FAM204A: variants seen among roughly 807,000 people sequenced by gnomAD.
FAM204A encodes the protein family with sequence similarity 204 member A, also known as protein FAM204A.
A neutral mutation model predicts 35.4 loss-of-function variants in FAM204A; 16 were observed. The ratio of observed to expected loss-of-function variants is 0.45; its 90% CI spans 0.31 to 0.69. FAM204A has a LOEUF of 0.69. FAM204A is among the 30% of genes least tolerant of loss of function. The pLI, the probability that FAM204A is intolerant of heterozygous loss-of-function variation, is 0.07. For missense variants in FAM204A, 240 were observed against 265.7 expected (o/e 0.90, Z 0.67); for synonymous variants, 76 against 86.9 (o/e 0.88, Z 0.70).
At chr10:118,340,835 G>T (rs1392742568) in intron 2 of FAM204A, among the ~76,000 whole-genome samples, 1 of 106,686 alleles carries the variant, frequency 9.4e-6, no homozygotes. Context: ...TACCCGCCCC[G>T]CCCCCAATTT....
intron 6 of FAM204A, among the ~76,000 whole-genome samples, chr10:118,331,429 A>G (rs1846285932): frequency 6.6e-6 from 1 of 152,188 alleles, no homozygotes; most frequent in Non-Finnish European, 1.5e-5. Context: ...ATTTATCTAA[A>G]CGAAGTATCT....
intron 3 of FAM204A, chr10:118,335,964 T>G (rs1001295027): frequency 6.7e-5 from 18 of 269,452 alleles, no homozygotes; most frequent in African/African-American, 1.9e-4. Context: ...GTGGTTTGGG[T>G]TTTTTTTTTT....
rs766677947 is a variant in FAM204A at position 118,335,164 on chromosome 10, C to A, written c.403G>T (p.Gly135Ter). The A allele has an allele frequency of 1.2e-6, 2 of 1,613,436 alleles. No individual in the cohort carries two copies. Among genetic ancestry groups the A allele is most frequent in the Admixed American group, 1.7e-5 (1 of 59,926 alleles). ...TQWKELTQYF[G>*]VNDRFDPPVK... Reference sequence around the variant, plus strand: ...GGCGGGTCAAATCTATCATTGACTCCAAAATACTGAGTAAGCTCTTTCCAC... The same window carrying A: ...GGCGGGTCAAATCTATCATTGACTCAAAAATACTGAGTAAGCTCTTTCCAC... Residue 135 changes from glycine to a stop codon, truncating the protein, a stop_gained, in exon 6 of 9, where the codon GGA becomes TGA. Coordinates refer to ENST00000369183, the MANE Select transcript of FAM204A (RefSeq NM_022063.3). LOFTEE classifies it high-confidence loss of function.
At chr10:118,318,908 TG>T (rs1434345556) in intron 7 of FAM204A, among the ~76,000 whole-genome samples, 1 of 151,704 alleles carries the variant, frequency 6.6e-6, no homozygotes, top group Admixed American at 6.6e-5. Context: ...TGATCAAAAT[TG>T]TATTATTTGG....
rs1198875958 is a variant in FAM204A at position 118,307,753 on chromosome 10, A to G, written c.*3104T>C. On this transcript the variant is annotated 3_prime_UTR_variant, in exon 9 of 9. Coordinates refer to ENST00000369183, the MANE Select transcript of FAM204A (RefSeq NM_022063.3). ...AGTTATTAATAAGCTAAAAGATAAT[A>G]TTTTAGACAAAAGGTATAAAGAAAA... 1.3e-5 allele frequency: 2 copies of G among 152,242 alleles called. No homozygotes were observed. The highest frequency in any genetic ancestry group is 4.8e-5 in the African/African-American group (2 of 41,466). 9.4% of individuals were successfully genotyped at this position (152,242 alleles called of 1,614,324 possible). A position where few individuals can be genotyped will look rare whatever the true frequency, so the allele number is the denominator to read the frequency against.
rs187942429 is a variant in FAM204A at position 118,299,445 on chromosome 10, G to C, written c.*11412C>G. On this transcript the variant is annotated 3_prime_UTR_variant, in exon 9 of 9. Transcript: ENST00000369183. Reference sequence around the variant, plus strand: ...GGGTCAGGCTGGACTGCAGTGGTGCGATCACGGCTCACTGCAGCCTCGACC... The same window carrying C: ...GGGTCAGGCTGGACTGCAGTGGTGCCATCACGGCTCACTGCAGCCTCGACC... 7.3e-6 allele frequency: 1 copy of C among 137,362 alleles called. No individual in the cohort carries two copies. The highest frequency in any genetic ancestry group is 1.5e-5 in the Non-Finnish European group (1 of 66,104). 8.5% of individuals were successfully genotyped at this position (137,362 alleles called of 1,614,324 possible).
intron 7 of FAM204A, among the ~76,000 whole-genome samples, chr10:118,312,355 G>A (rs1298825557): frequency 1.3e-5 from 2 of 152,170 alleles, no homozygotes; most frequent in Non-Finnish European, 2.9e-5. Flanking sequence ...AAAGTCAACA[G>A]GTTAAAGCCT....
At chr10:118,314,487 C>T (rs550346679) in intron 7 of FAM204A, among the ~76,000 whole-genome samples, 1 of 152,216 alleles carries the variant, frequency 6.6e-6, no homozygotes, top group Non-Finnish European at 1.5e-5. Context: ...ATGAAAGAGG[C>T]AGTTGAGAAG....
chr10:118,325,668 T>C (rs1042168271), intron 7 of FAM204A, among the ~76,000 whole-genome samples: 2 of 152,082 alleles, frequency 1.3e-5, no homozygotes, highest in African/African-American at 4.8e-5. Context: ...ATACCCAATA[T>C]ATCTATTAGT....
Position 118,310,477 on chromosome 10 carries a change from A to C in FAM204A, c.*380T>G, listed in dbSNP as rs1845932958. 1.1e-5 allele frequency: 2 copies of C among 181,674 alleles called. No individual in the cohort carries two copies. The highest frequency in any genetic ancestry group is 1.3e-4 in the Admixed American group (2 of 15,358). The allele number at this position is 181,674 out of a possible 1,614,324, so 11.3% of individuals were successfully genotyped here. On this transcript the variant is annotated 3_prime_UTR_variant, in exon 9 of 9. Transcript: ENST00000369183. ...TCTAGCCTGGGTGACAGAGCAAGCG[A>C]GGCTCTGTCTCAAAAAAAAAAAAAA...
In FAM204A at chr10:118,299,331, C is replaced by G. The variant is rs1845782341; in HGVS notation, c.*11526G>C. On this transcript the variant is annotated 3_prime_UTR_variant, in exon 9 of 9. Transcript: ENST00000369183. ...CTGCTTCTGTATTTTTTTTTGAGGT[C>G]AAGCTAGGTACTTGACATGATTTGG... The G allele has an allele frequency of 6.7e-6, 1 of 148,846 alleles. No homozygotes were observed. The highest frequency in any genetic ancestry group is 2.1e-4 in the South Asian group (1 of 4,698). 9.2% of individuals were successfully genotyped at this position (148,846 alleles called of 1,614,324 possible). A position where few individuals can be genotyped will look rare whatever the true frequency, so the allele number is the denominator to read the frequency against.
At chr10:118,338,836 C>G (rs1846427986) in intron 2 of FAM204A, among the ~76,000 whole-genome samples, 1 of 152,176 alleles carries the variant, frequency 6.6e-6, no homozygotes, top group Non-Finnish European at 1.5e-5. Context: ...GGGAAGCAGT[C>G]TCAGTTGCCC....
At position 118,301,331 on chromosome 10, in the gene FAM204A, T is replaced by G. The variant is rs561473314; in HGVS notation, c.*9526A>C. The G allele has an allele frequency of 8.5e-5, 13 of 152,218 alleles. No individual in the cohort carries two copies. Among genetic ancestry groups the G allele is most frequent in the Non-Finnish European group, 1.2e-4 (8 of 68,040 alleles). The allele number at this position is 152,218 out of a possible 1,614,324, so 9.4% of individuals were successfully genotyped here. A position where few individuals can be genotyped will look rare whatever the true frequency, so the allele number is the denominator to read the frequency against. On this transcript the variant is annotated 3_prime_UTR_variant, in exon 9 of 9. Transcript: ENST00000369183. ...AGTTGGCCAGTTTTACAAATGCTGA[T>G]AGAAGACACTAGACTCTCAGTTCAG...
In FAM204A at chr10:118,335,599, T is replaced by G. The variant is rs1222701571; in HGVS notation, c.277A>C (p.Thr93Pro). 1.2e-6 allele frequency: 2 copies of G among 1,610,956 alleles called. No individual in the cohort carries two copies. The highest frequency in any genetic ancestry group is 8.5e-7 in the Non-Finnish European group (1 of 1,179,320). Residue 93 changes from threonine to proline, a missense_variant, in exon 4 of 9, where the codon ACA (threonine) becomes CCA (proline). This residue lies in a region of FAM204A where 232 missense variants were observed against 242.8 expected (regional missense o/e 0.96). Coordinates refer to ENST00000369183, the MANE Select transcript of FAM204A (RefSeq NM_022063.3). The part of the protein sequence containing the change: ...LHKKHSEQKS[T>P]TSRFRGKRRK... The stretch of plus-strand genomic sequence containing the variant: ...CTTTTCCCTCTGAATCTTGAGGTTG[T>G]GCTTTTCTGTTCAGAATGTTTTTTA...
intron 2 of FAM204A, among the ~76,000 whole-genome samples, chr10:118,337,421 C>A (rs985168770): frequency 2.6e-5 from 4 of 152,124 alleles, no homozygotes; most frequent in Non-Finnish European, 5.9e-5. Context: ...AGTTAAAAAA[C>A]AAACAAACAA....
At position 118,310,319 on chromosome 10, in the gene FAM204A, C is replaced by CAA. The variant is rs759008555; in HGVS notation, c.*536_*537dup. ...CAAAACTCTGTCTCTACTAAAAATA[C>CAA]AAAAAAAAAAAAAAAATTAGCCGGG... is the stretch of plus-strand genomic sequence containing the variant. On this transcript the variant is annotated 3_prime_UTR_variant, in exon 9 of 9. Coordinates refer to ENST00000369183, the MANE Select transcript of FAM204A (RefSeq NM_022063.3). 1.4e-4 allele frequency: 16 copies of CAA among 113,608 alleles called. No individual in the cohort carries two copies. Among genetic ancestry groups the CAA allele is most frequent in the African/African-American group, 3.6e-4 (11 of 30,440 alleles). The allele number at this position is 113,608 out of a possible 1,614,324, so 7.0% of individuals were successfully genotyped here. A position where few individuals can be genotyped will look rare whatever the true frequency, so the allele number is the denominator to read the frequency against.
chr10:118,322,661 T>A (rs1174317470), intron 7 of FAM204A, among the ~76,000 whole-genome samples: 1 of 152,086 alleles, frequency 6.6e-6, no homozygotes, highest in African/African-American at 2.4e-5. Context: ...TAAATTTAAA[T>A]AAAGTATGTC....
chr10:118,328,714 A>G (rs1846238096), intron 6 of FAM204A, among the ~76,000 whole-genome samples: 1 of 151,984 alleles, frequency 6.6e-6, no homozygotes, highest in African/African-American at 2.4e-5. Context: ...GATGGTCTCA[A>G]TCTCCTGACC....
In FAM204A at chr10:118,304,963, G is replaced by T. The variant is rs1206973597; in HGVS notation, c.*5894C>A. The T allele has an allele frequency of 1.3e-5, 2 of 152,222 alleles. No individual in the cohort carries two copies. The highest frequency in any genetic ancestry group is 2.9e-5 in the Non-Finnish European group (2 of 68,044). 9.4% of individuals were successfully genotyped at this position (152,222 alleles called of 1,614,324 possible). On this transcript the variant is annotated 3_prime_UTR_variant, in exon 9 of 9. Transcript: ENST00000369183. Reference sequence around the variant, plus strand: ...TCTATATTTTCCAGCTTCCCTTGTGGTTAGTGTGATGAAGTAAGGAAGTCT... The same window carrying T: ...TCTATATTTTCCAGCTTCCCTTGTGTTTAGTGTGATGAAGTAAGGAAGTCT...
Sources: allele counts gnomAD v4.1 joint callset (sites outside exome capture counted in the v4.1 genomes callset), GRCh38; gene constraint gnomAD v4.1.1; regional missense constraint gnomAD v4.1.1; transcripts MANE v1.5; gene names NCBI Gene and HGNC (gene_info 2026-07-23, HGNC 2026-07-21).